DCC: variants seen among roughly 807,000 people sequenced by gnomAD.
The protein encoded by DCC is DCC netrin 1 receptor, also known as netrin receptor DCC.
In DCC, 58 loss-of-function variants were observed where a neutral mutation model predicts 172.5. The ratio of observed to expected loss-of-function variants is 0.34; its 90% CI spans 0.27 to 0.42. The LOEUF (loss-of-function observed/expected upper bound fraction) is 0.42. Ranked by LOEUF, DCC falls within the 10% of genes least tolerant of loss-of-function variation. The pLI is 1.00. For missense variants in DCC, 1,740 were observed against 1,791.0 expected, an observed-to-expected ratio of 0.97 and a Z score of 0.51; for synonymous variants, 709 against 644.5, an observed-to-expected ratio of 1.10 and a Z score of -1.52.
chr18:52,449,326 G>T (rs1310272187), intron 1 of DCC, among the ~76,000 whole-genome samples: 1 of 152,180 alleles, frequency 6.6e-6, no homozygotes, highest in Non-Finnish European at 1.5e-5. Flanking sequence ...TTAGACAAAA[G>T]TATGGAATCT....
Position 53,486,904 on chromosome 18 carries a change from G to A in DCC, c.3844G>A (p.Val1282Met), listed in dbSNP as rs1459343094. The change falls in exon 26 of 29, where the codon GTG becomes ATG. Residue 1282 changes from valine (V) to methionine (M), a missense_variant. Physicochemically the swap from Val to Met is conservative, Grantham distance 21. Around this residue, in one of 2 missense-constraint regions of DCC, gnomAD observed 1,732 missense variants for 1,767.4 expected, o/e 0.98. Transcript: ENST00000442544. ...YPHPQFTLRP[V>M]PFPTLSVDRG... ...CCACCCGCAGTTCACTCTCCGGCCT[G>A]TGCCATTCCCAACACTCTCAGTGGA... The A allele has an allele frequency of 1.9e-6, 3 of 1,614,198 alleles. No individual in the cohort carries two copies. In the Admixed American group the frequency reaches 5.0e-5, roughly 27 times the overall value.
At chr18:52,426,434 G>A (rs1987429506) in intron 1 of DCC, among the ~76,000 whole-genome samples, 1 of 151,682 alleles carries the variant, frequency 6.6e-6, no homozygotes, top group Non-Finnish European at 1.5e-5. Flanking sequence ...AGGACCCAGT[G>A]GGCACAAGAG....
chr18:52,416,470 G>C (rs1987033522), intron 1 of DCC, among the ~76,000 whole-genome samples: 1 of 151,866 alleles, frequency 6.6e-6, no homozygotes, highest in South Asian at 2.1e-4. Context: ...GTTGACAGTG[G>C]GGTGTTAAAG....
chr18:52,903,954 A>G (rs1275444480), intron 2 of DCC, among the ~76,000 whole-genome samples: 1 of 152,232 alleles, frequency 6.6e-6, no homozygotes, highest in Non-Finnish European at 1.5e-5. Context: ...AAGCCTGGGT[A>G]CAAGGTAACT....
intron 12 of DCC, among the ~76,000 whole-genome samples, chr18:53,273,417 GC>G (rs2056770810): frequency 6.6e-6 from 1 of 152,066 alleles, no homozygotes; most frequent in South Asian, 2.1e-4. Flanking sequence ...AATAACTTTA[GC>G]CAAAGGAAAT....
intron 2 of DCC, among the ~76,000 whole-genome samples, chr18:52,874,543 T>C (rs1423497418): frequency 6.6e-6 from 1 of 152,202 alleles, no homozygotes; most frequent in Non-Finnish European, 1.5e-5. Context: ...GACCAAAAGT[T>C]TTCAGGTTTA....
chr18:53,029,976 T>C (rs182023908), intron 5 of DCC, among the ~76,000 whole-genome samples: 1 of 152,338 alleles, frequency 6.6e-6, no homozygotes, highest in African/African-American at 2.4e-5. Flanking sequence ...ATGCAGCCAT[T>C]CACTTCTCAG....
chr18:53,533,073 A>T lies in DCC; in HGVS notation c.*2420A>T, dbSNP rs2144645189. ...CAATCAATTTAAACATCCTCAAAAAACTCTAGTATCATTTACCTGGTAGTA... is the reference window on the plus strand; with the variant it reads ...CAATCAATTTAAACATCCTCAAAAATCTCTAGTATCATTTACCTGGTAGTA... On this transcript the variant is annotated 3_prime_UTR_variant, in exon 29 of 29. Transcript: ENST00000442544. 6.6e-6 allele frequency: 1 copy of T among 152,082 alleles called. No individual in the cohort carries two copies. The highest frequency in any genetic ancestry group is 6.6e-5 in the Admixed American group (1 of 15,266). The allele number at this position is 152,082 out of a possible 1,614,324, so 9.4% of individuals were successfully genotyped here. A position where few individuals can be genotyped will look rare whatever the true frequency, so the allele number is the denominator to read the frequency against.
chr18:53,255,993 T>C (rs1866317875), intron 12 of DCC, among the ~76,000 whole-genome samples: 2 of 152,244 alleles, frequency 1.3e-5, no homozygotes, highest in African/African-American at 4.8e-5. Context: ...ATGTGTCTTT[T>C]GGCTGAATAA....
At chr18:52,774,344 G>A (rs1244113887) in intron 2 of DCC, among the ~76,000 whole-genome samples, 8 of 152,142 alleles carry the variant, frequency 5.3e-5, no homozygotes, top group South Asian at 2.1e-4. Flanking sequence ...GCTGAATGTT[G>A]AAGACGCTTC....
chr18:53,498,146 T>C (rs1502223), intron 26 of DCC, among the ~76,000 whole-genome samples: 36,841 of 152,190 alleles, frequency 0.24, 4,893 homozygotes, highest in East Asian at 0.42. Flanking sequence ...TGCATAACTT[T>C]AATTCTATGT....
intron 3 of DCC, among the ~76,000 whole-genome samples, chr18:52,909,013 A>C (rs1398422326): frequency 6.6e-6 from 1 of 152,078 alleles, no homozygotes; most frequent in African/African-American, 2.4e-5. Context: ...CTTTTAACAC[A>C]TTCTCGAGTT....
chr18:53,418,329 T>G (rs1263499001), intron 21 of DCC, among the ~76,000 whole-genome samples: 2 of 152,178 alleles, frequency 1.3e-5, no homozygotes, highest in Admixed American at 1.3e-4. Context: ...ATCAGTCTTC[T>G]GAGTTGATGA....
At chr18:52,582,273 T>G (rs1468404459) in intron 1 of DCC, among the ~76,000 whole-genome samples, 1 of 152,180 alleles carries the variant, frequency 6.6e-6, no homozygotes, top group Non-Finnish European at 1.5e-5. Flanking sequence ...GTATTGCTAT[T>G]TATGTGTTAT....
At chr18:53,054,509 T>C in intron 5 of DCC, among the ~76,000 whole-genome samples, 1 of 152,098 alleles carries the variant, frequency 6.6e-6, no homozygotes, top group East Asian at 1.9e-4. Context: ...ATATAGAATT[T>C]GGACCCAGAG....
intron 1 of DCC, among the ~76,000 whole-genome samples, chr18:52,491,674 G>T (rs1410154420): frequency 6.6e-6 from 1 of 152,052 alleles, no homozygotes; most frequent in Non-Finnish European, 1.5e-5. Flanking sequence ...AAAATGGAGG[G>T]AGAGGAGATG....
intron 11 of DCC, among the ~76,000 whole-genome samples, chr18:53,210,646 T>C (rs1489159748): frequency 1.3e-5 from 2 of 152,206 alleles, no homozygotes; most frequent in African/African-American, 4.8e-5. Flanking sequence ...TAATTTAATA[T>C]ATGACTGTGT....
At chr18:52,671,197 A>G (rs2035546193) in intron 1 of DCC, among the ~76,000 whole-genome samples, 1 of 152,158 alleles carries the variant, frequency 6.6e-6, no homozygotes, top group Non-Finnish European at 1.5e-5. Context: ...TCATAATCCA[A>G]GACAATGGAT....
chr18:52,948,984 C>T (rs1178061021), intron 5 of DCC, among the ~76,000 whole-genome samples: 1 of 152,194 alleles, frequency 6.6e-6, no homozygotes, highest in African/African-American at 2.4e-5. Context: ...AAGCTGTCTC[C>T]AGTCATGCCA....
Sources: gnomAD v4.1 joint callset for allele counts (sites outside exome capture counted in the v4.1 genomes callset) on GRCh38, gnomAD v4.1.1 for gene constraint, gnomAD v4.1.1 regional missense constraint, MANE v1.5 for transcripts, NCBI Gene and HGNC (gene_info 2026-07-23, HGNC 2026-07-21) for gene names.